Variants in FBXO42 observed in about 807,000 individuals in gnomAD.
The protein encoded by FBXO42 is F-box only protein 42.
Under a neutral mutation model 71.7 loss-of-function variants are expected in FBXO42, and 12 were observed. The ratio of observed to expected loss-of-function variants is 0.17; its 90% CI spans 0.11 to 0.27. The LOEUF (loss-of-function observed/expected upper bound fraction) is 0.27. Among genes scored for constraint, FBXO42 ranks in the 10% least tolerant of loss-of-function variants. FBXO42 has a pLI of 1.00. For missense variants in FBXO42, 707 were observed against 911.9 expected, an observed-to-expected ratio of 0.78 and a Z score of 2.89; for synonymous variants, 325 against 327.5, an observed-to-expected ratio of 0.99 and a Z score of 0.08.
chr1:16,254,761 C>CAA (rs1380517996), intron 6 of FBXO42, among the ~76,000 whole-genome samples: 1 of 152,166 alleles, frequency 6.6e-6, no homozygotes, highest in Non-Finnish European at 1.5e-5. Flanking sequence ...ACCGCTGAAT[C>CAA]AGACAGTGAT....
intron 4 of FBXO42, among the ~76,000 whole-genome samples, chr1:16,273,628 C>T (rs530203892): frequency 2.6e-5 from 4 of 151,316 alleles, no homozygotes; most frequent in Non-Finnish European, 5.9e-5. Context: ...TGCCTGTAAT[C>T]GTAGCACTTT....
chr1:16,350,032 C>T (rs2082684919), intron 1 of FBXO42, among the ~76,000 whole-genome samples: 1 of 152,122 alleles, frequency 6.6e-6, no homozygotes, highest in Non-Finnish European at 1.5e-5. Flanking sequence ...GTAGGACTCA[C>T]CCTGCTCTGA....
intron 2 of FBXO42, among the ~76,000 whole-genome samples, chr1:16,307,670 T>C (rs538386919): frequency 6.6e-6 from 1 of 152,102 alleles, no homozygotes; most frequent in Non-Finnish European, 1.5e-5. Context: ...TTAAAACACA[T>C]AATTTGAAAT....
intron 2 of FBXO42, among the ~76,000 whole-genome samples, chr1:16,310,769 A>G (rs1468454148): frequency 6.6e-6 from 1 of 151,794 alleles, no homozygotes; most frequent in Non-Finnish European, 1.5e-5. Flanking sequence ...GTGCTCAAAT[A>G]AATTAAATAT....
At chr1:16,297,670 G>A (rs1557590044) in intron 3 of FBXO42, among the ~76,000 whole-genome samples, 1 of 149,868 alleles carries the variant, frequency 6.7e-6, no homozygotes, top group African/African-American at 2.5e-5. Flanking sequence ...GACCATCCTG[G>A]CTAACACAGT....
chr1:16,334,252 T>G (rs1438825517), intron 1 of FBXO42, among the ~76,000 whole-genome samples: 10 of 151,846 alleles, frequency 6.6e-5, no homozygotes, highest in Admixed American at 2.0e-4. Flanking sequence ...GTTAACACGG[T>G]GAAACCCCGT....
intron 4 of FBXO42, among the ~76,000 whole-genome samples, chr1:16,274,322 AAAAAG>A (rs542819955): frequency 7.2e-5 from 11 of 152,194 alleles, no homozygotes; most frequent in South Asian, 2.1e-4. Flanking sequence ...AACACAAAAA[AAAAAG>A]AAAAGAAAAG....
At chr1:16,331,777 G>A (rs775958504) in intron 1 of FBXO42, among the ~76,000 whole-genome samples, 9 of 152,014 alleles carry the variant, frequency 5.9e-5, no homozygotes, top group East Asian at 5.8e-4. Context: ...GCAGCCAGGC[G>A]CGGTGGCTCA....
intron 2 of FBXO42, among the ~76,000 whole-genome samples, chr1:16,312,345 G>C (rs1477109220): frequency 6.6e-6 from 1 of 152,132 alleles, no homozygotes; most frequent in Non-Finnish European, 1.5e-5. Context: ...CTGGGCAACA[G>C]AGCATGACTC....
intron 3 of FBXO42, 118 bp downstream of exon 3, chr1:16,305,685 G>A (rs546899365): frequency 3.6e-6 from 3 of 838,208 alleles, no homozygotes; most frequent in Admixed American, 1.9e-5. Flanking sequence ...CTGCACTCCA[G>A]CTTGGGTGAT....
intron 4 of FBXO42, among the ~76,000 whole-genome samples, chr1:16,264,246 A>G (rs1330714566): frequency 6.6e-6 from 1 of 152,238 alleles, no homozygotes; most frequent in Non-Finnish European, 1.5e-5. Flanking sequence ...TTTTTATTAA[A>G]ACACACATAT....
At chr1:16,268,686 G>A (rs983631847) in intron 4 of FBXO42, among the ~76,000 whole-genome samples, 5 of 152,026 alleles carry the variant, frequency 3.3e-5, no homozygotes, top group Non-Finnish European at 2.9e-5. Flanking sequence ...CAAAGAGGCC[G>A]GGCACAGCAG....
intron 6 of FBXO42, 82 bp downstream of exon 6, chr1:16,255,629 T>G (rs2081634616): frequency 2.6e-6 from 3 of 1,153,602 alleles, no homozygotes; most frequent in Non-Finnish European, 3.7e-6. Context: ...ATTAGGCACC[T>G]GGTCCCTAAT....
At chr1:16,301,951 G>C (rs1438020451) in intron 3 of FBXO42, among the ~76,000 whole-genome samples, 2 of 152,054 alleles carry the variant, frequency 1.3e-5, no homozygotes, top group Non-Finnish European at 2.9e-5. Context: ...GGCACAAACA[G>C]AATTTGTCAT....
rs1200657882 is a variant in FBXO42 at position 16,332,536 on chromosome 1, T to C, written c.-17-17101A>G. On this transcript the variant is annotated intron_variant, in intron 1 of 9. Transcript: ENST00000375592. ...TATTAACAATGTTTCAACTAATGAA[T>C]TTCTTTTCCTTTTTTTTTTTTTTGA... Among the ~76,000 whole-genome samples the C allele has an allele frequency of 2.0e-5, 3 of 148,982 alleles. No homozygotes were observed. The East Asian group carries it at 5.8e-4, about 29-fold the overall frequency.
Position 16,252,571 on chromosome 1 carries a change from C to T in FBXO42, c.922-167G>A, listed in dbSNP as rs1051807746. ...AATTATTCAGTTGTGCATGCATCCA[C>T]TTACGCTTTCATTCATTCATATATT... On this transcript the variant is annotated intron_variant, in intron 8 of 9. Transcript: ENST00000375592. The surrounding 1 kb of genome is among the most constrained non-coding windows in gnomAD (Gnocchi z 4.4). Among the ~76,000 whole-genome samples, 25 of 152,248 alleles carry T rather than the reference C, an allele frequency of 1.6e-4. No homozygotes were observed. Among genetic ancestry groups the T allele is most frequent in the African/African-American group, 5.3e-4 (22 of 41,458 alleles).
intron 5 of FBXO42, 29 bp downstream of exon 5, chr1:16,256,577 G>T: frequency 6.2e-7 from 1 of 1,607,556 alleles, no homozygotes; most frequent in South Asian, 1.1e-5. Flanking sequence ...TTTTCTTCCA[G>T]ATTTAAAGAG....
chr1:16,280,566 C>T (rs2081952524), intron 4 of FBXO42, among the ~76,000 whole-genome samples: 1 of 152,154 alleles, frequency 6.6e-6, no homozygotes, highest in Non-Finnish European at 1.5e-5. Flanking sequence ...TATACTAATA[C>T]AAGATGCTAA....
At chr1:16,344,528 G>A (rs1175141099) in intron 1 of FBXO42, among the ~76,000 whole-genome samples, 1 of 141,300 alleles carries the variant, frequency 7.1e-6, no homozygotes, top group African/African-American at 2.6e-5. Context: ...TAGAGACGGG[G>A]TTTCCCCATG....
Sources: allele counts gnomAD v4.1 joint callset (sites outside exome capture counted in the v4.1 genomes callset), GRCh38; gene constraint gnomAD v4.1.1; non-coding constraint Gnocchi (gnomAD v3.1); transcripts MANE v1.5; gene names NCBI Gene and HGNC (gene_info 2026-07-23, HGNC 2026-07-21).